RNLS: variants seen among roughly 807,000 people sequenced by gnomAD.
RNLS encodes the protein renalase, FAD dependent amine oxidase.
RNLS carries 39 observed loss-of-function variants against 39.8 expected under a neutral mutation model. The observed-to-expected ratio is 0.98, with a 90% CI of 0.76 to 1.28. RNLS has a LOEUF of 1.28. Ranked by LOEUF, RNLS falls within the 50% of genes most tolerant of loss-of-function variation. The probability of loss-of-function intolerance (pLI) is 0.00; values close to 1 mark genes in which losing one functional copy is unlikely to be tolerated. For missense variants in RNLS, 410 were observed against 413.3 expected, an observed-to-expected ratio of 0.99 and a Z score of 0.07; for synonymous variants, 147 against 150.7, an observed-to-expected ratio of 0.98 and a Z score of 0.18.
At chr10:88,348,773 TAAAGA>T (rs879752755) in intron 5 of RNLS, among the ~76,000 whole-genome samples, 3 of 152,152 alleles carry the variant, frequency 2.0e-5, no homozygotes, top group Non-Finnish European at 4.4e-5. Flanking sequence ...TTCCTCACCT[TAAAGA>T]AAAGAGATTA....
chr10:88,478,837 T>C (rs987299956), intron 4 of RNLS, among the ~76,000 whole-genome samples: 1 of 152,134 alleles, frequency 6.6e-6, no homozygotes, highest in Non-Finnish European at 1.5e-5. Context: ...CTAATTTACC[T>C]TTTTTTCTTT....
chr10:88,371,364 T>C (rs570045466), intron 4 of RNLS, among the ~76,000 whole-genome samples: 49 of 152,244 alleles, frequency 3.2e-4, no homozygotes, highest in African/African-American at 1.1e-3. Context: ...TAGTCAAGCA[T>C]ATCAGGACGA....
At chr10:88,237,086 T>C in the RNLS span, among the ~76,000 whole-genome samples, 2 of 152,160 alleles carry the variant, frequency 1.3e-5, no homozygotes, top group African/African-American at 4.8e-5. Context: ...CAAAGTCTTA[T>C]GAAGGAAACG....
intron 3 of RNLS, among the ~76,000 whole-genome samples, chr10:88,575,127 T>TATATAC (rs1462312559): frequency 5.5e-5 from 3 of 54,098 alleles, no homozygotes; most frequent in Non-Finnish European, 9.7e-5. Flanking sequence ...CTGCAAAGTA[T>TATATAC]ATATATATAT....
chr10:88,266,576 C>G, the RNLS span, among the ~76,000 whole-genome samples: 1 of 152,100 alleles, frequency 6.6e-6, no homozygotes, highest in Non-Finnish European at 1.5e-5. Context: ...AGCCAACAGT[C>G]TAGAAGTTGT....
intron 4 of RNLS, among the ~76,000 whole-genome samples, chr10:88,489,171 G>A (rs960018691): frequency 6.6e-6 from 1 of 152,130 alleles, no homozygotes; most frequent in Non-Finnish European, 1.5e-5. Context: ...TATGTGGAGA[G>A]GTCAATTAAG....
chr10:88,335,019 C>A lies in RNLS; in HGVS notation c.701-20378G>T, dbSNP rs138645921. 4.2e-3 allele frequency among the ~76,000 whole-genome samples: 632 copies of A among 152,182 alleles called. 4 individuals carry two copies. The highest frequency in any genetic ancestry group is 0.015 in the African/African-American group (605 of 41,530). On this transcript the variant is annotated intron_variant, in intron 5 of 6. Transcript: ENST00000331772. The stretch of plus-strand genomic sequence containing the variant: ...TTTCAACAACTTACATTAAAATAAG[C>A]AAAGTCTTTCCAGTCATCTTCAAAT...
intron 4 of RNLS, among the ~76,000 whole-genome samples, chr10:88,567,295 A>G (rs1410233768): frequency 1.3e-5 from 2 of 152,198 alleles, no homozygotes; most frequent in East Asian, 3.8e-4. Flanking sequence ...GCTAAATAAA[A>G]TTATTAATTA....
At chr10:88,277,125 A>G (rs1047465024) in intron 6 of RNLS, among the ~76,000 whole-genome samples, 1 of 152,214 alleles carries the variant, frequency 6.6e-6, no homozygotes, top group African/African-American at 2.4e-5. Context: ...GCACATATAC[A>G]CTATGGAATA....
intron 6 of RNLS, among the ~76,000 whole-genome samples, chr10:88,297,916 C>T (rs1025122596): frequency 1.1e-4 from 16 of 152,254 alleles, no homozygotes; most frequent in South Asian, 8.3e-4. Context: ...AAGCTGTTTT[C>T]CACAGTGGCT....
At chr10:88,399,475 T>C (rs1472278642) in intron 4 of RNLS, among the ~76,000 whole-genome samples, 1 of 152,034 alleles carries the variant, frequency 6.6e-6, no homozygotes, top group African/African-American at 2.4e-5. Flanking sequence ...GAAGTACTCA[T>C]TCATGCTATA....
rs138921267 is a variant in RNLS at position 88,314,615 on chromosome 10, C to T, written c.727G>A (p.Val243Met). The T allele has an allele frequency of 3.3e-5, 54 of 1,612,886 alleles. No individual in the cohort carries two copies. Among genetic ancestry groups the T allele is most frequent in the Non-Finnish European group, 4.4e-5 (52 of 1,179,438 alleles). Residue 243 changes from valine (V) to methionine (M), a missense_variant, in exon 6 of 7, where the codon GTG becomes ATG. By Grantham distance (21) the Val-to-Met change is conservative. Coordinates refer to ENST00000331772, the MANE Select transcript of RNLS (RefSeq NM_001031709.3). ...IESSEIGPSL[V>M]IHTTVPFGVT... is the part of the protein sequence containing the mutation. ...CCAAATGGGACAGTGGTGTGAATCA[C>T]GAGGGAAGGCCCAATTTCTGATGAC... is the stretch of plus-strand genomic sequence containing the variant.
the RNLS span, among the ~76,000 whole-genome samples, chr10:88,237,534 A>T: frequency 6.6e-6 from 1 of 152,194 alleles, no homozygotes; most frequent in Non-Finnish European, 1.5e-5. Context: ...TATACTTCCA[A>T]TCTTATTTTA....
At chr10:88,452,594 T>C (rs1842421280) in intron 4 of RNLS, among the ~76,000 whole-genome samples, 1 of 151,964 alleles carries the variant, frequency 6.6e-6, no homozygotes. Flanking sequence ...CCACAGCTGT[T>C]CCTACAACTC....
chr10:88,540,958 T>C (rs982425949), intron 4 of RNLS, among the ~76,000 whole-genome samples: 3 of 150,546 alleles, frequency 2.0e-5, no homozygotes, highest in African/African-American at 4.9e-5. Flanking sequence ...CATTTTGTTA[T>C]ATTATGGTCA....
At chr10:88,261,943 T>C in the RNLS span, among the ~76,000 whole-genome samples, 1 of 152,182 alleles carries the variant, frequency 6.6e-6, no homozygotes, top group East Asian at 1.9e-4. Flanking sequence ...GGTCTTCACA[T>C]GGGAAGCTTC....
In RNLS at chr10:88,416,315, G is replaced by A. The variant is rs550883241; in HGVS notation, c.527-53590C>T. ...GTTGCCCAGGCTGGAGTGCAATGGC[G>A]TGATCTTGGCTCACCGCAACCTCTG... On this transcript the variant is annotated intron_variant, in intron 4 of 6. Transcript: ENST00000331772. Among the ~76,000 whole-genome samples the A allele has an allele frequency of 6.6e-5, 10 of 151,786 alleles. No homozygotes were observed. The East Asian group carries it at 1.2e-3, about 18-fold the overall frequency.
chr10:88,236,028 C>A, the RNLS span, among the ~76,000 whole-genome samples: 8 of 152,068 alleles, frequency 5.3e-5, no homozygotes, highest in Non-Finnish European at 1.2e-4. Flanking sequence ...CCATTTATTT[C>A]TTTGTGATCT....
intron 4 of RNLS, among the ~76,000 whole-genome samples, chr10:88,421,592 ACT>A: frequency 6.6e-6 from 1 of 151,560 alleles, no homozygotes; most frequent in Non-Finnish European, 1.5e-5. Context: ...GCCTCTAATC[ACT>A]CTCCTTTCTA....
Sources: gnomAD v4.1 joint callset for allele counts (sites outside exome capture counted in the v4.1 genomes callset) on GRCh38, gnomAD v4.1.1 for gene constraint, MANE v1.5 for transcripts, NCBI Gene and HGNC (gene_info 2026-07-23, HGNC 2026-07-21) for gene names.